The following LRRC37A2 variants were observed in gnomAD, a reference collection of about 807,000 sequenced individuals.
LRRC37A2 encodes the protein leucine rich repeat containing 37 member A2.
LRRC37A2 carries 9 observed loss-of-function variants against 68.8 expected under a neutral mutation model. The observed-to-expected ratio is 0.13, with a 90% confidence interval of 0.08 to 0.23. The LOEUF (loss-of-function observed/expected upper bound fraction) is 0.23. Among genes scored for constraint, LRRC37A2 ranks in the 10% least tolerant of loss-of-function variants. The pLI is 1.00. For synonymous variants in LRRC37A2, 63 were observed against 367.6 expected (o/e 0.17, Z 9.48); for missense variants, 168 against 950.4 (o/e 0.18, Z 10.82).
the LRRC37A2 span, among the ~76,000 whole-genome samples, chr17:46,866,721 C>G: frequency 6.6e-6 from 1 of 152,086 alleles, no homozygotes; most frequent in Non-Finnish European, 1.5e-5. Context: ...CCTGGACCCT[C>G]CAGCTAAGAG....
At chr17:46,543,208 G>A (rs1370335793) in intron 8 of LRRC37A2, among the ~76,000 whole-genome samples, 2 of 150,558 alleles carry the variant, frequency 1.3e-5, no homozygotes, top group East Asian at 3.9e-4. Context: ...TTCATTATTG[G>A]AAGTCTTCAG....
At chr17:46,419,096 G>T in the LRRC37A2 span, among the ~76,000 whole-genome samples, 1 of 103,674 alleles carries the variant, frequency 9.6e-6, no homozygotes, top group Non-Finnish European at 2.2e-5. Flanking sequence ...CACCTTAGCT[G>T]TTTTTTTGTG....
the LRRC37A2 span, among the ~76,000 whole-genome samples, chr17:46,811,849 C>T: frequency 1.3e-5 from 2 of 152,046 alleles, no homozygotes; most frequent in African/African-American, 4.8e-5. Flanking sequence ...CCCAGCTACT[C>T]GGGAGGCTGA....
chr17:46,980,359 T>C, the LRRC37A2 span, among the ~76,000 whole-genome samples: 93,148 of 150,422 alleles, frequency 0.62, 28,881 homozygotes, highest in African/African-American at 0.65. Flanking sequence ...TTCCTTCTTC[T>C]TTCTTTCTCT....
the LRRC37A2 span, chr17:47,017,787 C>A: frequency 6.2e-7 from 1 of 1,610,390 alleles, no homozygotes; most frequent in Non-Finnish European, 8.5e-7. Flanking sequence ...GCCTCCAGAA[C>A]TCCGGGTGAA....
chr17:46,891,918 CTT>C, the LRRC37A2 span, among the ~76,000 whole-genome samples: 12 of 71,804 alleles, frequency 1.7e-4, no homozygotes, highest in African/African-American at 5.4e-4. Context: ...CTTTTCTTTT[CTT>C]TTTTTTTTTT....
At chr17:46,725,386 A>G in the LRRC37A2 span, among the ~76,000 whole-genome samples, 1 of 152,114 alleles carries the variant, frequency 6.6e-6, no homozygotes, top group Non-Finnish European at 1.5e-5. Flanking sequence ...ATTAGGGGGT[A>G]AAGGGATGGT....
the LRRC37A2 span, among the ~76,000 whole-genome samples, chr17:46,479,462 C>T: frequency 9.4e-6 from 1 of 106,698 alleles, no homozygotes; most frequent in Non-Finnish European, 2.1e-5. Flanking sequence ...CATAGTACCC[C>T]AAATAGATCT....
At chr17:46,788,635 A>C in the LRRC37A2 span, among the ~76,000 whole-genome samples, 97,721 of 152,064 alleles carry the variant, frequency 0.64, 34,769 homozygotes, top group South Asian at 0.81. Context: ...CACTCAAGTG[A>C]ATTGTCCACC....
chr17:46,765,643 G>A, the LRRC37A2 span, among the ~76,000 whole-genome samples: 6 of 152,248 alleles, frequency 3.9e-5, no homozygotes, highest in East Asian at 1.9e-4. Flanking sequence ...GCAGGCTCCC[G>A]TCTTGCCTAG....
the LRRC37A2 span, chr17:46,773,643 C>A: frequency 3.6e-6 from 4 of 1,105,208 alleles, no homozygotes; most frequent in Non-Finnish European, 5.0e-6. Context: ...CAGCCCCTCC[C>A]CCCCCCTCAG....
the LRRC37A2 span, among the ~76,000 whole-genome samples, chr17:46,778,756 T>G: frequency 3.9e-5 from 6 of 151,998 alleles, no homozygotes; most frequent in Non-Finnish European, 7.4e-5. Context: ...TTCTGCACAT[T>G]TGCACATGCT....
At chr17:46,488,591 G>A in the LRRC37A2 span, among the ~76,000 whole-genome samples, 1 of 92,028 alleles carries the variant, frequency 1.1e-5, no homozygotes, top group Non-Finnish European at 2.2e-5. Flanking sequence ...TGTAATCCCA[G>A]CTACTCACGA....
the LRRC37A2 span, among the ~76,000 whole-genome samples, chr17:46,883,973 G>A: frequency 6.6e-6 from 1 of 152,154 alleles, no homozygotes; most frequent in Non-Finnish European, 1.5e-5. Flanking sequence ...AGCCGTCTCA[G>A]GGGAGCTGAG....
chr17:46,956,640 T>C, the LRRC37A2 span, among the ~76,000 whole-genome samples: 2 of 152,120 alleles, frequency 1.3e-5, no homozygotes, highest in Middle Eastern at 3.2e-3. Flanking sequence ...CCTTGATGAT[T>C]GTGTAATGAT....
chr17:46,943,581 A>C, the LRRC37A2 span, among the ~76,000 whole-genome samples: 1 of 151,992 alleles, frequency 6.6e-6, no homozygotes, highest in Non-Finnish European at 1.5e-5. Context: ...GTTGCTCCTC[A>C]CCGCAGGGGC....
the LRRC37A2 span, chr17:46,768,386 G>A: frequency 1.2e-5 from 19 of 1,613,932 alleles, no homozygotes; most frequent in South Asian, 1.6e-4. The surrounding 1 kb of genome is among the most constrained non-coding windows in gnomAD (Gnocchi z 5.0). Flanking sequence ...AGCACCAGTG[G>A]AAGATGCAGT....
chr17:46,836,254 A>G, the LRRC37A2 span, among the ~76,000 whole-genome samples: 1 of 151,904 alleles, frequency 6.6e-6, no homozygotes, highest in African/African-American at 2.4e-5. Flanking sequence ...GGAGGAAGTG[A>G]TATTGGAATT....
the LRRC37A2 span, among the ~76,000 whole-genome samples, chr17:46,985,129 G>A: frequency 2.0e-5 from 3 of 152,198 alleles, no homozygotes; most frequent in Admixed American, 6.5e-5. Context: ...CATCTGGTAC[G>A]GAATTGAAAT....
Sources: allele counts gnomAD v4.1 joint callset (sites outside exome capture counted in the v4.1 genomes callset), GRCh38; gene constraint gnomAD v4.1.1; non-coding constraint Gnocchi (gnomAD v3.1); transcripts MANE v1.5; gene names NCBI Gene and HGNC (gene_info 2026-07-23, HGNC 2026-07-21).